NTM: variants seen among roughly 807,000 people sequenced by gnomAD.
NTM encodes the protein IgLON family member 2.
A neutral mutation model predicts 42.1 loss-of-function variants in NTM; 13 were observed. That is an observed-to-expected ratio of 0.31 (90% CI 0.20 to 0.49). The LOEUF (loss-of-function observed/expected upper bound fraction) is 0.49, where lower values mean the gene tolerates loss of function less well. Ranked by LOEUF, NTM falls within the 20% of genes least tolerant of loss-of-function variation. NTM has a pLI of 0.99. For missense variants in NTM, 373 were observed against 452.8 expected (o/e 0.82, Z 1.60); for synonymous variants, 187 against 179.2 (o/e 1.04, Z -0.35).
chr11:132,228,898 C>G (rs749033950), intron 4 of NTM, among the ~76,000 whole-genome samples: 2 of 152,136 alleles, frequency 1.3e-5, no homozygotes, highest in African/African-American at 4.8e-5. Flanking sequence ...TTGATGGGAG[C>G]CCCACTGCAC....
At position 131,535,664 on chromosome 11, in the gene NTM, A is replaced by G. The variant is rs146635762; in HGVS notation, c.82+164776A>G. On this transcript the variant is annotated intron_variant, in intron 1 of 8. Transcript: ENST00000683400. Reference sequence around the variant, plus strand: ...GCAATTACCCCAAGAGGAGCTTAGCATGCCACATGCTCTGTGTGTATCTCC... The same window carrying G: ...GCAATTACCCCAAGAGGAGCTTAGCGTGCCACATGCTCTGTGTGTATCTCC... 2.0e-5 allele frequency: 3 copies of G among 152,310 alleles called. No homozygotes were observed. In the East Asian group the frequency reaches 5.8e-4, roughly 29 times the overall value. 9.4% of individuals were successfully genotyped at this position (152,310 alleles called of 1,614,324 possible).
intron 1 of NTM, among the ~76,000 whole-genome samples, chr11:131,483,575 A>G (rs1293900593): frequency 1.3e-5 from 2 of 152,240 alleles, no homozygotes; most frequent in Non-Finnish European, 2.9e-5. Context: ...GCGGGAATTC[A>G]ATGAAAGCTA....
chr11:132,227,870 T>C (rs923993682), intron 4 of NTM, among the ~76,000 whole-genome samples: 7 of 151,852 alleles, frequency 4.6e-5, no homozygotes, highest in African/African-American at 1.7e-4. Context: ...TTGCTTGGAG[T>C]GGGAACCAGC....
At chr11:131,443,280 A>C (rs1189919177) in intron 1 of NTM, among the ~76,000 whole-genome samples, 1 of 152,218 alleles carries the variant, frequency 6.6e-6, no homozygotes, top group Non-Finnish European at 1.5e-5. Context: ...AACAATGAAG[A>C]CTGGCCATAT....
chr11:131,580,618 G>C (rs2058324269), intron 1 of NTM, among the ~76,000 whole-genome samples: 1 of 152,150 alleles, frequency 6.6e-6, no homozygotes, highest in African/African-American at 2.4e-5. Flanking sequence ...GAGAGCTAAT[G>C]GGAGGGGATG....
At chr11:131,460,156 TAGAC>T (rs1435470418) in intron 1 of NTM, among the ~76,000 whole-genome samples, 2 of 152,184 alleles carry the variant, frequency 1.3e-5, no homozygotes, top group Non-Finnish European at 2.9e-5. Context: ...CAGGGATTCA[TAGAC>T]AGCGTAATGC....
intron 4 of NTM, among the ~76,000 whole-genome samples, chr11:132,220,145 T>C (rs895467059): frequency 6.6e-6 from 1 of 152,140 alleles, no homozygotes; most frequent in African/African-American, 2.4e-5. Flanking sequence ...CTGTTCAGAG[T>C]ACCTGTGAAA....
intron 7 of NTM, among the ~76,000 whole-genome samples, chr11:132,320,648 A>G (rs1364499968): frequency 4.6e-4 from 70 of 152,268 alleles, no homozygotes; most frequent in Non-Finnish European, 4.4e-4. Flanking sequence ...AAGCAGCCAG[A>G]AAGCTCGAAC....
intron 2 of NTM, among the ~76,000 whole-genome samples, chr11:132,005,216 C>T (rs1224056605): frequency 6.6e-6 from 1 of 152,174 alleles, no homozygotes; most frequent in East Asian, 1.9e-4. Context: ...GATGGAATCC[C>T]ATCAGCTGAG....
rs199828926 is a variant in NTM at position 132,107,945 on chromosome 11, ACT to A, written c.168-38336_168-38335del. Among the ~76,000 whole-genome samples, 453 of 152,198 alleles carry A rather than the reference ACT, an allele frequency of 3.0e-3. 3 individuals carry two copies. The highest frequency in any genetic ancestry group is 0.01 in the African/African-American group (418 of 41,530). Reference sequence around the variant, plus strand: ...TTGATATCTTTGCTCCAACATCTCCACTGAGTTCCTGACTTATAGGTATAGTG... The same window carrying A: ...TTGATATCTTTGCTCCAACATCTCCAGAGTTCCTGACTTATAGGTATAGTG... On this transcript the variant is annotated intron_variant, in intron 2 of 8. Transcript: ENST00000683400.
intron 1 of NTM, among the ~76,000 whole-genome samples, chr11:131,766,755 C>T (rs190110458): frequency 8.1e-4 from 124 of 152,232 alleles, no homozygotes; most frequent in African/African-American, 3.0e-3. Context: ...TATAGCAAGG[C>T]GTTCTCTCTC....
At position 132,274,512 on chromosome 11, in the gene NTM, C is replaced by T. The variant is rs192730310; in HGVS notation, c.527-33177C>T. On this transcript the variant is annotated intron_variant, in intron 4 of 8. Coordinates refer to ENST00000683400, the MANE Select transcript of NTM (RefSeq NM_001352005.2). ...ACCTGCTCTTATATGTAATAAATTC[C>T]AAGTTTCCTTTGGCTCATTGGTTAT... 5.2e-3 allele frequency among the ~76,000 whole-genome samples: 798 copies of T among 152,012 alleles called. 9 individuals carry two copies. The highest frequency in any genetic ancestry group is 9.3e-3 in the Non-Finnish European group (629 of 67,942).
chr11:132,314,987 GGAAAAT>G (rs1194186136), intron 7 of NTM: 20 of 1,165,886 alleles, frequency 1.7e-5, no homozygotes, highest in African/African-American at 1.1e-4. Flanking sequence ...AGTGGGAAAA[GGAAAAT>G]GAAAAAGAAT....
intron 1 of NTM, among the ~76,000 whole-genome samples, chr11:131,746,046 G>A (rs1269915190): frequency 6.6e-6 from 1 of 152,032 alleles, no homozygotes; most frequent in East Asian, 1.9e-4. Context: ...AGGCAGGGGT[G>A]TTCCCAACCC....
At chr11:131,504,701 G>T (rs2136401930) in intron 1 of NTM, among the ~76,000 whole-genome samples, 1 of 152,148 alleles carries the variant, frequency 6.6e-6, no homozygotes, top group East Asian at 1.9e-4. Flanking sequence ...ATGGCCATCT[G>T]GGTGTCAGCG....
At chr11:132,050,311 C>T (rs1220772287) in intron 2 of NTM, among the ~76,000 whole-genome samples, 3 of 152,166 alleles carry the variant, frequency 2.0e-5, no homozygotes, top group Admixed American at 6.5e-5. Flanking sequence ...CCTGGGAGCA[C>T]AGCTCTGTCC....
intron 1 of NTM, among the ~76,000 whole-genome samples, chr11:131,897,750 A>T (rs1385400446): frequency 1.3e-5 from 2 of 152,302 alleles, no homozygotes; most frequent in East Asian, 3.9e-4. Flanking sequence ...TCCACAATCC[A>T]TCCACTTTTT....
chr11:131,482,287 T>TC (rs1480465919), intron 1 of NTM, among the ~76,000 whole-genome samples: 1 of 152,044 alleles, frequency 6.6e-6, no homozygotes, highest in African/African-American at 2.4e-5. Flanking sequence ...AGCTCTTGAT[T>TC]CCCCCCACCC....
intron 1 of NTM, among the ~76,000 whole-genome samples, chr11:131,427,599 G>A (rs951582306): frequency 1.3e-5 from 2 of 152,134 alleles, no homozygotes; most frequent in Non-Finnish European, 2.9e-5. Flanking sequence ...CTGTCCCTCG[G>A]TGTTCTACCT....
Sources: gnomAD v4.1 joint callset for allele counts (sites outside exome capture counted in the v4.1 genomes callset) on GRCh38, gnomAD v4.1.1 for gene constraint, MANE v1.5 for transcripts, NCBI Gene and HGNC (gene_info 2026-07-23, HGNC 2026-07-21) for gene names.